The following SMAD9 variants were observed in gnomAD, a reference collection of about 807,000 sequenced individuals.
SMAD9 encodes the protein SMAD family member 9.
In SMAD9, 36 loss-of-function variants were observed where a neutral mutation model predicts 46.1. The observed-to-expected ratio is 0.78, with a 90% confidence interval of 0.60 to 1.03. The LOEUF (loss-of-function observed/expected upper bound fraction) is 1.03. Among genes scored for constraint, SMAD9 ranks in the 50% least tolerant of loss-of-function variants. The pLI is 0.00. For synonymous variants in SMAD9, 245 were observed against 237.1 expected (o/e 1.03, Z -0.31); for missense variants, 572 against 599.8 (o/e 0.95, Z 0.48).
rs1461307998 is a variant in SMAD9, at chr13:36,847,293, A to G, written c.*1383T>C. On this transcript the variant is annotated 3_prime_UTR_variant, in exon 7 of 7. Coordinates refer to ENST00000379826, the MANE Select transcript of SMAD9 (RefSeq NM_001127217.3). ...TACTGAAGTGCTGTCTGTTACAAGC[A>G]TAACTGCCATCTTAAATTGTACATT... 4 of 152,252 alleles carry G rather than the reference A, an allele frequency of 2.6e-5. No homozygotes were observed. In the South Asian group the frequency reaches 6.2e-4, roughly 24 times the overall value. The allele number at this position is 152,252 out of a possible 1,614,324, so 9.4% of individuals were successfully genotyped here. A position where few individuals can be genotyped will look rare whatever the true frequency, so the allele number is the denominator to read the frequency against.
intron 2 of SMAD9, among the ~76,000 whole-genome samples, chr13:36,875,993 C>T (rs949198549): frequency 2.6e-5 from 4 of 152,162 alleles, no homozygotes; most frequent in South Asian, 2.1e-4. Context: ...TGACTGGCTC[C>T]GTTGCCTTAA....
chr13:36,870,983 T>TC (rs966729947), intron 3 of SMAD9, among the ~76,000 whole-genome samples: 5 of 152,248 alleles, frequency 3.3e-5, no homozygotes, highest in African/African-American at 1.2e-4. Context: ...CGAAGTTTCA[T>TC]CCCCACATAC....
intron 1 of SMAD9, among the ~76,000 whole-genome samples, chr13:36,899,692 G>A (rs1215900166): frequency 6.6e-6 from 1 of 152,208 alleles, no homozygotes; most frequent in Non-Finnish European, 1.5e-5. Flanking sequence ...TCAGGGTCTG[G>A]AGCTCAAAGA....
chr13:36,881,382 A>G (rs920416572), intron 1 of SMAD9, among the ~76,000 whole-genome samples: 5 of 152,208 alleles, frequency 3.3e-5, no homozygotes, highest in Non-Finnish European at 7.4e-5. Flanking sequence ...TGCATTAAAT[A>G]TAATTTTCTC....
chr13:36,851,120 T>C (rs1454613596), intron 6 of SMAD9, among the ~76,000 whole-genome samples: 2 of 152,146 alleles, frequency 1.3e-5, no homozygotes, highest in Non-Finnish European at 2.9e-5. Context: ...ATCATGAAAA[T>C]GCTCTGCTCT....
intron 4 of SMAD9, among the ~76,000 whole-genome samples, chr13:36,866,482 C>G (rs568087085): frequency 9.2e-5 from 14 of 152,094 alleles, no homozygotes; most frequent in Admixed American, 2.6e-4. Flanking sequence ...CCACTCACAC[C>G]CTTTCTCTGC....
chr13:36,865,747 C>G lies in SMAD9; in HGVS notation c.793G>C (p.Val265Leu). 6.2e-7 allele frequency: 1 copy of G among 1,613,978 alleles called. No individual in the cohort carries two copies. The change falls in exon 5 of 7, where the codon GTT (valine) becomes CTT (leucine). Residue 265 changes from valine to leucine, a missense_variant. Physicochemically the swap from Val to Leu is conservative, Grantham distance 32 (BLOSUM62 1). Transcript: ENST00000379826. ...CAGTGCTGGGGCTCCTCGTAACAAA[C>G]TGGTCGAAAGTCTGGAAGAAAACAA... Reference protein sequence around the residue: ...LSIPNGDFRPVCYEEPQHWCS... With the variant: ...LSIPNGDFRPLCYEEPQHWCS...
At position 36,872,823 on chromosome 13, in the gene SMAD9, G is replaced by A. The variant is rs199501242; in HGVS notation, c.505C>T (p.Pro169Ser). 61 of 1,614,068 alleles carry A rather than the reference G, an allele frequency of 3.8e-5. No homozygotes were observed. In the East Asian group the frequency reaches 1.3e-3, roughly 34 times the overall value. Residue 169 changes from proline (P) to serine (S), a missense_variant, in exon 3 of 7, where the codon CCA (proline) becomes TCA (serine). Physicochemically the swap from Pro to Ser is moderately conservative, Grantham distance 74 (BLOSUM62 -1). Coordinates refer to ENST00000379826, the MANE Select transcript of SMAD9 (RefSeq NM_001127217.3). ...TAGGTGGCGTTGTGTGGCATGAGTGGCTCACTGTGCAGGGAGGCGCTGCGG... is the reference window on the plus strand; with the variant it reads ...TAGGTGGCGTTGTGTGGCATGAGTGACTCACTGTGCAGGGAGGCGCTGCGG... The part of the protein sequence containing the change: ...KFRSASLHSE[P>S]LMPHNATYPD...
At chr13:36,889,482 C>G (rs1358399436) in intron 1 of SMAD9, among the ~76,000 whole-genome samples, 10 of 152,118 alleles carry the variant, frequency 6.6e-5, no homozygotes, top group Non-Finnish European at 7.4e-5. Context: ...AAAACAGAAG[C>G]AAAATGGGCC....
intron 3 of SMAD9, among the ~76,000 whole-genome samples, chr13:36,872,211 C>A (rs969737667): frequency 6.6e-6 from 1 of 151,896 alleles, no homozygotes; most frequent in African/African-American, 2.4e-5. Context: ...CTTTCTGCCT[C>A]ACTCAAAGGA....
At chr13:36,911,846 T>C (rs1184696221) in intron 1 of SMAD9, among the ~76,000 whole-genome samples, 2 of 152,124 alleles carry the variant, frequency 1.3e-5, no homozygotes, top group Admixed American at 1.3e-4. Flanking sequence ...GTAGCTGGGA[T>C]TACAGGCATG....
Position 36,879,549 on chromosome 13 carries a change from CTTCTTT to C in SMAD9, c.135_140del (p.Lys48_Lys49del), listed in dbSNP as rs1011330259. ...CCAGCTCGTCCATGGCTCCCTTCTT[CTTCTTT>C]AACTTCTTCACTAGAGAGTCCACTG... On this transcript the variant is annotated inframe_deletion, in exon 2 of 7. Transcript: ENST00000379826. The C allele has an allele frequency of 3.1e-6, 5 of 1,614,222 alleles. No individual in the cohort carries two copies. The highest frequency in any genetic ancestry group is 2.5e-6 in the Non-Finnish European group (3 of 1,180,050).
At chr13:36,917,287 A>G (rs1463431547) in intron 1 of SMAD9, among the ~76,000 whole-genome samples, 1 of 152,196 alleles carries the variant, frequency 6.6e-6, no homozygotes, top group East Asian at 1.9e-4. Flanking sequence ...CCAAGGGATA[A>G]TTGTTTATTT....
intron 5 of SMAD9, among the ~76,000 whole-genome samples, chr13:36,858,608 G>A (rs2058149081): frequency 6.6e-6 from 1 of 152,106 alleles, no homozygotes. Flanking sequence ...TGCACTGTGA[G>A]GTGTCTCCCT....
At chr13:36,849,644 A>C (rs2058059303) in intron 6 of SMAD9, 1 of 146,356 alleles carries the variant, frequency 6.8e-6, no homozygotes, top group Non-Finnish European at 1.5e-5. Context: ...TAAAACCTGC[A>C]ACCCCTTTTT....
At chr13:36,914,209 T>C (rs1308944210) in intron 1 of SMAD9, among the ~76,000 whole-genome samples, 1 of 152,154 alleles carries the variant, frequency 6.6e-6, no homozygotes, top group Non-Finnish European at 1.5e-5. Context: ...ACAGTGCTAC[T>C]GCCCAAGCCT....
rs1288961218 is a variant in SMAD9, at chr13:36,879,683, A to G, written c.7T>C (p.Ser3Pro). 7 of 1,614,014 alleles carry G rather than the reference A, an allele frequency of 4.3e-6. No individual in the cohort carries two copies. Among genetic ancestry groups the G allele is most frequent in the South Asian group, 1.1e-5 (1 of 91,084 alleles). Residue 3 changes from serine to proline, a missense_variant, in exon 2 of 7, where the codon TCC (serine) becomes CCC (proline). Transcript: ENST00000379826. MHSTTPISSLFSF... is the reference protein window; with the variant it reads MHPTTPISSLFSF... ...AAGAGGGAGCTGATGGGGGTGGTGG[A>G]GTGCATAAGAGGCCACAGCAGGCTC...
intron 1 of SMAD9, among the ~76,000 whole-genome samples, chr13:36,902,918 T>C (rs892762273): frequency 1.3e-5 from 2 of 152,120 alleles, no homozygotes; most frequent in Non-Finnish European, 2.9e-5. Flanking sequence ...TATTATGTGT[T>C]TGATGTTTGC....
intron 1 of SMAD9, among the ~76,000 whole-genome samples, chr13:36,908,327 T>C (rs2058634550): frequency 1.3e-5 from 2 of 152,166 alleles, no homozygotes; most frequent in Admixed American, 1.3e-4. Flanking sequence ...ATTTCTTCAG[T>C]CAAAACAAAT....
Sources: allele counts gnomAD v4.1 joint callset (sites outside exome capture counted in the v4.1 genomes callset), GRCh38; gene constraint gnomAD v4.1.1; transcripts MANE v1.5; gene names NCBI Gene and HGNC (gene_info 2026-07-23, HGNC 2026-07-21).